The following TOP2B variants were observed in gnomAD, a reference collection of about 807,000 sequenced individuals.
TOP2B encodes DNA topoisomerase II beta, also known as DNA topoisomerase 2-beta.
Under a neutral mutation model 193.5 loss-of-function variants are expected in TOP2B, and 51 were observed. The observed-to-expected ratio is 0.26, with a 90% CI of 0.21 to 0.33. TOP2B has a LOEUF of 0.33. Among genes scored for constraint, TOP2B ranks in the 10% least tolerant of loss-of-function variants. The probability of loss-of-function intolerance (pLI) is 1.00; values close to 1 mark genes in which losing one functional copy is unlikely to be tolerated. For synonymous variants in TOP2B, 634 were observed against 635.7 expected, an observed-to-expected ratio of 1.00 and a Z score of 0.04; for missense variants, 1,378 against 1,909.3, an observed-to-expected ratio of 0.72 and a Z score of 5.19.
intron 34 of TOP2B, 104 bp from the exon 35 acceptor site, chr3:25,599,633 A>G: frequency 1.9e-6 from 2 of 1,037,716 alleles, no homozygotes; most frequent in East Asian, 2.6e-5. Context: ...CAATCAGTGG[A>G]GCATTGCAGT....
chr3:25,619,260 C>T (rs956006875), intron 23 of TOP2B, among the ~76,000 whole-genome samples: 1 of 150,736 alleles, frequency 6.6e-6, no homozygotes, highest in Non-Finnish European at 1.5e-5. Context: ...TGTCCCCTTT[C>T]TCTCGCTTTC....
In TOP2B at chr3:25,636,087, T is replaced by G. The variant is rs780200993; in HGVS notation, c.701A>C (p.Asp234Ala). The G allele has an allele frequency of 6.2e-7, 1 of 1,611,912 alleles. No homozygotes were observed. The highest frequency in any genetic ancestry group is 1.7e-5 in the Admixed American group (1 of 59,668). Reference protein sequence around the residue: ...EAKIKHFDGEDYTCITFQPDL... With the variant: ...EAKIKHFDGEAYTCITFQPDL... ...TGGTTGGAATGTTATGCATGTGTAA[T>G]CTTCACCATCAAAATGTTTAATTTT... is the stretch of plus-strand genomic sequence containing the variant. Residue 234 changes from aspartate (D) to alanine (A), a missense_variant, in exon 7 of 36, where the codon GAT becomes GCT. Physicochemically the swap from Asp to Ala is moderately radical, Grantham distance 126 (BLOSUM62 -2). This residue lies in a region of TOP2B where 222 missense variants were observed against 306.6 expected (regional missense o/e 0.72). Coordinates refer to ENST00000264331, the MANE Select transcript of TOP2B (RefSeq NM_001330700.2).
chr3:25,600,128 G>C (rs1179505258), intron 34 of TOP2B, among the ~76,000 whole-genome samples: 2 of 152,114 alleles, frequency 1.3e-5, no homozygotes, highest in Non-Finnish European at 2.9e-5. Context: ...CCTAGACTCA[G>C]CACATGCAGC....
At chr3:25,644,991 T>G (rs146130461) in intron 2 of TOP2B, among the ~76,000 whole-genome samples, 8,992 of 151,562 alleles carry the variant, frequency 0.059, 349 homozygotes, top group East Asian at 0.11. Flanking sequence ...TTTGTATTTT[T>G]ATTAGAGACA....
chr3:25,643,891 G>A (rs1703334976), intron 2 of TOP2B, 107 bp from the exon 3 acceptor site: 4 of 710,654 alleles, frequency 5.6e-6, no homozygotes, highest in Non-Finnish European at 7.1e-6. Context: ...ACTTAGATCT[G>A]CAAAGTAGAA....
intron 2 of TOP2B, 129 bp downstream of exon 2, chr3:25,645,171 C>A: frequency 1.2e-6 from 1 of 863,430 alleles, no homozygotes; most frequent in South Asian, 2.1e-5. Flanking sequence ...AGATCTTTCA[C>A]CCTACTTTGA....
chr3:25,635,938 G>A lies in TOP2B; in HGVS notation c.850C>T (p.Pro284Ser). Residue 284 changes from proline to serine, a missense_variant and splice_region_variant, in exon 7 of 36, where the codon CCT (proline) becomes TCT (serine). Pro to Ser is a moderately conservative substitution (Grantham distance 74, BLOSUM62 -1). Transcript: ENST00000264331. Reference sequence around the variant, plus strand: ...AAACTATTTTACAGGACACTTACAGGCAATTTCTTTCCATTAAACATGACC... The same window carrying A: ...AAACTATTTTACAGGACACTTACAGACAATTTCTTTCCATTAAACATGACC... ...VKVMFNGKKL[P>S]VNGFRSYVDL... 1.2e-6 allele frequency: 2 copies of A among 1,611,690 alleles called. No individual in the cohort carries two copies. The highest frequency in any genetic ancestry group is 1.7e-6 in the Non-Finnish European group (2 of 1,178,410).
chr3:25,632,484 CA>C lies in TOP2B; in HGVS notation c.1227del (p.Phe409LeufsTer21). 6.3e-7 allele frequency: 1 copy of C among 1,580,436 alleles called. No homozygotes were observed. The highest frequency in any genetic ancestry group is 1.9e-5 in the Admixed American group (1 of 53,770). ...KENMTLQPKS[F>X]GSKCQLSEKF... ...TTTTCTGACAGCTGGCATTTAGACC[CA>C]AAACTTTTGGGCTGCAGAGTCATGT... On this transcript the variant is annotated frameshift_variant, in exon 10 of 36. Transcript: ENST00000264331. LOFTEE classifies it high-confidence loss of function.
At chr3:25,644,962 A>AT (rs112922438) in intron 2 of TOP2B, among the ~76,000 whole-genome samples, 1,623 of 144,694 alleles carry the variant, frequency 0.011, 25 homozygotes, top group African/African-American at 0.03. Flanking sequence ...CACCCAGAAA[A>AT]TTTTTTTTTT....
Position 25,618,672 on chromosome 3 carries a change from G to GT in TOP2B, c.3240dup (p.Gln1081ThrfsTer9). On this transcript the variant is annotated frameshift_variant, in exon 24 of 36. Transcript: ENST00000264331. LOFTEE classifies it high-confidence loss of function. Reference sequence around the variant, plus strand: ...ATCTTACCTATAGTAATTTTCCCTTGTATCTTCTCTAAAATGAAACGGGCT... The same window carrying GT: ...ATCTTACCTATAGTAATTTTCCCTTGTTATCTTCTCTAAAATGAAACGGGCT... 6.2e-7 allele frequency: 1 copy of GT among 1,609,790 alleles called. No individual in the cohort carries two copies. The highest frequency in any genetic ancestry group is 8.5e-7 in the Non-Finnish European group (1 of 1,178,544).
chr3:25,645,979 C>T lies in TOP2B; in HGVS notation c.70-509G>A, dbSNP rs142780024. Among the ~76,000 whole-genome samples the T allele has an allele frequency of 2.3e-3, 353 of 150,850 alleles. 4 individuals carry two copies. Among genetic ancestry groups the T allele is most frequent in the African/African-American group, 8.3e-3 (338 of 40,782 alleles). ...AGAGACAAGGTTTCACCATGTTGGCCAGGCTGGTCTCGAACTTCTGACCTC... is the reference window on the plus strand; with the variant it reads ...AGAGACAAGGTTTCACCATGTTGGCTAGGCTGGTCTCGAACTTCTGACCTC... On this transcript the variant is annotated intron_variant, in intron 1 of 35. Transcript: ENST00000264331.
chr3:25,602,407 AAAG>A lies in TOP2B; in HGVS notation c.4490-1185_4490-1183del, dbSNP rs1416740274. Among the ~76,000 whole-genome samples the A allele has an allele frequency of 1.4e-3, 161 of 117,012 alleles. 1 individual carries two copies. Among genetic ancestry groups the A allele is most frequent in the Non-Finnish European group, 2.0e-3 (123 of 62,808 alleles). The allele number at this position is 117,012 out of a possible 152,430, so 76.8% of individuals were successfully genotyped here. On this transcript the variant is annotated intron_variant, in intron 33 of 35. Transcript: ENST00000264331. The stretch of plus-strand genomic sequence containing the variant: ...GCAAGACTCTGTCTCAAAAAAAAAA[AAAG>A]AAAAAGAAAAAAAAAAAACTGATAA...
rs1702472940 is a variant in TOP2B at position 25,615,189 on chromosome 3, TAG to T, written c.3591+14_3591+15del. The T allele has an allele frequency of 2.5e-6, 4 of 1,590,260 alleles. No individual in the cohort carries two copies. The highest frequency in any genetic ancestry group is 3.7e-5 in the Admixed American group (2 of 54,664). ...CATGACTTTTCCAAATAAATTTTAA[TAG>T]AGACTTAACCTACATCCAGTTCTTC... On this transcript the variant is annotated intron_variant, in intron 27 of 35. Coordinates refer to ENST00000264331, the MANE Select transcript of TOP2B (RefSeq NM_001330700.2).
At position 25,598,254 on chromosome 3, in the gene TOP2B, A is replaced by G. The variant is rs1298263950; in HGVS notation, c.*53T>C. 3.9e-6 allele frequency: 6 copies of G among 1,523,428 alleles called. No individual in the cohort carries two copies. Among genetic ancestry groups the G allele is most frequent in the Non-Finnish European group, 5.3e-6 (6 of 1,126,532 alleles). 94.4% of individuals were successfully genotyped at this position (1,523,428 alleles called of 1,614,324 possible). On this transcript the variant is annotated 3_prime_UTR_variant, in exon 36 of 36. Transcript: ENST00000264331. ...TGTACAAAAGTCTGAGACAGAGAAG[A>G]CAAAAGGACAACACAAGATATTTGT...
intron 31 of TOP2B, 76 bp downstream of exon 31, chr3:25,607,095 G>A: frequency 1.3e-6 from 2 of 1,533,736 alleles, no homozygotes; most frequent in South Asian, 1.3e-5. Context: ...CAATTTCTTA[G>A]AAGAGCTCAC....
chr3:25,635,854 G>A (rs1703091812), intron 7 of TOP2B, 82 bp downstream of exon 7: 4 of 1,142,860 alleles, frequency 3.5e-6, no homozygotes, highest in African/African-American at 1.6e-5. Context: ...GAGACTACCA[G>A]ATGAGCTTTA....
chr3:25,601,258 A>G, intron 33 of TOP2B, 33 bp from the exon 34 acceptor site: 2 of 1,596,586 alleles, frequency 1.3e-6, no homozygotes, highest in Non-Finnish European at 1.7e-6. Flanking sequence ...ACAGGTCAAT[A>G]TACTTACCAA....
chr3:25,649,506 AAT>A (rs1244105296), intron 1 of TOP2B, among the ~76,000 whole-genome samples: 4 of 152,096 alleles, frequency 2.6e-5, no homozygotes, highest in Non-Finnish European at 5.9e-5. Context: ...CAGAAAAGTG[AAT>A]CATCAATTAC....
Position 25,624,452 on chromosome 3 carries a change from A to G in TOP2B, c.2347-7T>C. On this transcript the variant is annotated splice_region_variant and splice_polypyrimidine_tract_variant and intron_variant, in intron 19 of 35. Transcript: ENST00000264331. ...TAGTCATCATCAATGCTTGCTATAC[A>G]ACAGAAGAAGGCAGAACATAACATT... is the stretch of plus-strand genomic sequence containing the variant. The G allele has an allele frequency of 6.2e-7, 1 of 1,611,892 alleles. No individual in the cohort carries two copies. Among genetic ancestry groups the G allele is most frequent in the Non-Finnish European group, 8.5e-7 (1 of 1,179,162 alleles).
Sources: allele counts gnomAD v4.1 joint callset (sites outside exome capture counted in the v4.1 genomes callset), GRCh38; gene constraint gnomAD v4.1.1; regional missense constraint gnomAD v4.1.1; transcripts MANE v1.5; gene names NCBI Gene and HGNC (gene_info 2026-07-23, HGNC 2026-07-21).